MTRFR: variants seen among roughly 807,000 people sequenced by gnomAD.
The protein encoded by MTRFR is probable peptide chain release factor C12orf65, mitochondrial.
MTRFR carries 10 observed loss-of-function variants against 11.9 expected under a neutral mutation model. The ratio of observed to expected loss-of-function variants is 0.84; its 90% CI spans 0.52 to 1.42. MTRFR has a LOEUF of 1.42. Among genes scored for constraint, MTRFR ranks in the 40% most tolerant of loss-of-function variants. The probability of loss-of-function intolerance (pLI) is 0.00; values close to 1 mark genes in which losing one functional copy is unlikely to be tolerated. For synonymous variants in MTRFR, 77 were observed against 79.1 expected (o/e 0.97, Z 0.14); for missense variants, 196 against 197.9 (o/e 0.99, Z 0.06).
rs563658213 is a variant in MTRFR at position 123,239,640 on chromosome 12, G to A, written c.-29+6109G>A. Among the ~76,000 whole-genome samples the A allele has an allele frequency of 2.6e-5, 4 of 152,256 alleles. No individual in the cohort carries two copies. In the South Asian group the frequency reaches 6.2e-4, roughly 24 times the overall value. ...GATGGTCTCGATCTCCTGACCTCAT[G>A]ATCTGCCCGCCTTGGCCTCCCAAAG... On this transcript the variant is annotated intron_variant, in intron 1 of 2. Transcript: ENST00000253233.
At chr12:123,252,962 T>A (rs948133247) in intron 1 of MTRFR, among the ~76,000 whole-genome samples, 50 of 152,152 alleles carry the variant, frequency 3.3e-4, no homozygotes, top group African/African-American at 1.2e-3. Flanking sequence ...CATCTTTACA[T>A]TTTGATTTCA....
chr12:123,234,756 A>G (rs2047812212), intron 1 of MTRFR, among the ~76,000 whole-genome samples: 1 of 152,202 alleles, frequency 6.6e-6, no homozygotes, highest in South Asian at 2.1e-4. Context: ...ATTATATTAC[A>G]TAATTCCAAA....
intron 1 of MTRFR, among the ~76,000 whole-genome samples, chr12:123,241,030 C>A (rs2047926696): frequency 6.7e-6 from 1 of 149,478 alleles, no homozygotes; most frequent in Non-Finnish European, 1.5e-5. Flanking sequence ...ATCCTTTAAC[C>A]TTTTCAGAGA....
At chr12:123,234,397 G>C (rs536886003) in intron 1 of MTRFR, among the ~76,000 whole-genome samples, 4 of 151,184 alleles carry the variant, frequency 2.6e-5, no homozygotes, top group South Asian at 2.1e-4. Flanking sequence ...TTATTTTTGT[G>C]GGGGAGGGGG....
At chr12:123,236,069 AT>A (rs1180895965) in intron 1 of MTRFR, among the ~76,000 whole-genome samples, 4 of 152,124 alleles carry the variant, frequency 2.6e-5, no homozygotes, top group Non-Finnish European at 5.9e-5. Flanking sequence ...TCTCAAAAAA[AT>A]AAATAAATAA....
Position 123,235,408 on chromosome 12 carries a change from T to TTGTG in MTRFR, c.-29+1890_-29+1893dup, listed in dbSNP as rs3038484. On this transcript the variant is annotated intron_variant, in intron 1 of 2. Coordinates refer to ENST00000253233, the MANE Select transcript of MTRFR (RefSeq NM_152269.5). ...CAGGCTGGTCCAAACGTAGTGAGTT[T>TTGTG]TGTGTGTGTGTGTGTGACAGAGCTC... 8.4e-4 allele frequency among the ~76,000 whole-genome samples: 127 copies of TTGTG among 151,110 alleles called. 1 individual carries two copies. The East Asian group carries it at 0.016, about 19-fold the overall frequency.
intron 1 of MTRFR, chr12:123,249,796 A>ACTC (rs2048091807): frequency 6.6e-6 from 1 of 152,384 alleles, no homozygotes; most frequent in Non-Finnish European, 1.5e-5. Context: ...GCCGAGAGCG[A>ACTC]GTGAGGGCTA....
chr12:123,253,718 G>A lies in MTRFR; in HGVS notation c.44G>A (p.Arg15Gln), dbSNP rs78651634. ...GLFHFPTPLTRICPAPWGLRL... is the reference protein window; with the variant it reads ...GLFHFPTPLTQICPAPWGLRL... The stretch of plus-strand genomic sequence containing the variant: ...TTTCATTTTCCTACACCACTGACCC[G>A]AATATGCCCGGCGCCATGGGGACTC... The change falls in exon 2 of 3, where the codon CGA becomes CAA. Residue 15 changes from arginine (R) to glutamine (Q), a missense_variant. Arg to Gln is a conservative substitution (Grantham distance 43, BLOSUM62 1). Transcript: ENST00000253233. 0.021 allele frequency: 34,517 copies of A among 1,614,092 alleles called. 465 individuals carry two copies. The highest frequency in any genetic ancestry group is 0.025 in the Non-Finnish European group (29,222 of 1,180,008).
rs774090934 is a variant in MTRFR, at chr12:123,253,886, G to C, written c.212G>C (p.Gly71Ala). The C allele has an allele frequency of 1.4e-5, 23 of 1,614,086 alleles. No homozygotes were observed. Among genetic ancestry groups the C allele is most frequent in the Non-Finnish European group, 7.6e-6 (9 of 1,180,042 alleles). The part of the protein sequence containing the change: ...EEQFVKGHGP[G>A]GQATNKTSNC... ...CAGTTTGTGAAAGGACACGGTCCAG[G>C]GGGCCAGGCAACCAACAAAACCAGC... is the stretch of plus-strand genomic sequence containing the variant. The change falls in exon 2 of 3, where the codon GGG (glycine) becomes GCG (alanine). Residue 71 changes from glycine (G) to alanine (A), a missense_variant. Transcript: ENST00000253233.
At chr12:123,237,083 T>TA (rs75223176) in intron 1 of MTRFR, among the ~76,000 whole-genome samples, 54 of 145,392 alleles carry the variant, frequency 3.7e-4, no homozygotes, top group East Asian at 2.2e-3. Context: ...AGACTCCGGC[T>TA]AAAAAAAAAA....
At chr12:123,236,730 T>TA (rs1565989730) in intron 1 of MTRFR, among the ~76,000 whole-genome samples, 1 of 152,230 alleles carries the variant, frequency 6.6e-6, no homozygotes, top group Non-Finnish European at 1.5e-5. Flanking sequence ...CCTGCTTTTT[T>TA]AATGTGTTTC....
intron 2 of MTRFR, among the ~76,000 whole-genome samples, chr12:123,255,616 T>A (rs1043513776): frequency 6.7e-6 from 1 of 149,918 alleles, no homozygotes; most frequent in Admixed American, 6.6e-5. Context: ...CCCACCACAC[T>A]CAGTGTTTTT....
intron 2 of MTRFR, among the ~76,000 whole-genome samples, chr12:123,255,372 C>A (rs1412595682): frequency 1.3e-5 from 2 of 152,154 alleles, no homozygotes; most frequent in South Asian, 2.1e-4. Context: ...AATTCTGAAA[C>A]CTGAGAGTTA....
At chr12:123,248,865 T>C (rs1384751766) in intron 1 of MTRFR, 2 of 152,258 alleles carry the variant, frequency 1.3e-5, no homozygotes, top group Admixed American at 6.5e-5. Flanking sequence ...AGGGTGCTGA[T>C]TGGTGCGTTT....
intron 1 of MTRFR, among the ~76,000 whole-genome samples, chr12:123,241,138 GTTGTTTTTTTTTTGTTT>G (rs1405455338): frequency 1.8e-5 from 2 of 111,724 alleles, no homozygotes; most frequent in African/African-American, 5.5e-5. Context: ...TTTATTTGGG[GTTGTTTTTTTTTTGTTT>G]TTGTTTTTTT....
chr12:123,236,194 T>C (rs2047847646), intron 1 of MTRFR, among the ~76,000 whole-genome samples: 1 of 152,230 alleles, frequency 6.6e-6, no homozygotes, highest in Non-Finnish European at 1.5e-5. Context: ...TAATTTAGTT[T>C]CAAAAATTGA....
chr12:123,250,808 G>A (rs1190674479), intron 1 of MTRFR: 3 of 152,194 alleles, frequency 2.0e-5, no homozygotes, highest in Non-Finnish European at 4.4e-5. Flanking sequence ...TTTTTTGCTG[G>A]TTGGCCTCCT....
Position 123,253,761 on chromosome 12 carries a change from G to T in MTRFR, c.87G>T (p.Leu29=). ...GGGGACTCCGGCTTTGGGAGAAGCT[G>T]ACGTTGTTATCCCCAGGAATAGCTG... ...APWGLRLWEK[L]TLLSPGIAVT... is the part of the protein sequence containing the mutation. The change falls in exon 2 of 3, where the codon CTG becomes CTT. Residue 29 remains leucine, a synonymous_variant. Transcript: ENST00000253233. The T allele has an allele frequency of 6.2e-7, 1 of 1,614,174 alleles. No individual in the cohort carries two copies. Among genetic ancestry groups the T allele is most frequent in the Non-Finnish European group, 8.5e-7 (1 of 1,180,044 alleles).
At chr12:123,235,060 C>T (rs893442305) in intron 1 of MTRFR, among the ~76,000 whole-genome samples, 1 of 152,204 alleles carries the variant, frequency 6.6e-6, no homozygotes. Context: ...AGTTCCCAGA[C>T]TGGGTTTGTG....
Sources: gnomAD v4.1 joint callset for allele counts (sites outside exome capture counted in the v4.1 genomes callset) on GRCh38, gnomAD v4.1.1 for gene constraint, MANE v1.5 for transcripts, NCBI Gene and HGNC (gene_info 2026-07-23, HGNC 2026-07-21) for gene names.